Variants in NANS observed in about 807,000 individuals in gnomAD.
The protein encoded by NANS is N-acetylneuraminate synthase, also known as N-acetylneuraminate-9-phosphate synthase.
In NANS, 29 loss-of-function variants were observed where a neutral mutation model predicts 33.3. The observed-to-expected ratio is 0.87, with a 90% CI of 0.65 to 1.19. The LOEUF is 1.19. Ranked by LOEUF, NANS falls within the 50% of genes most tolerant of loss-of-function variation. The pLI, the probability that NANS is intolerant of heterozygous loss-of-function variation, is 0.00. For synonymous variants in NANS, 163 were observed against 177.2 expected, an observed-to-expected ratio of 0.92 and a Z score of 0.64; for missense variants, 394 against 461.1, an observed-to-expected ratio of 0.85 and a Z score of 1.33.
chr9:98,082,789 G>T (rs1325610575), intron 5 of NANS, 57 bp from the exon 6 acceptor site: 2 of 1,531,936 alleles, frequency 1.3e-6, no homozygotes, highest in Non-Finnish European at 1.8e-6. Flanking sequence ...GTAAAGTAAA[G>T]TAGTGTGCAC....
At chr9:98,074,988 C>G (rs896653658) in intron 2 of NANS, 1 of 152,036 alleles carries the variant, frequency 6.6e-6, no homozygotes, top group Non-Finnish European at 1.5e-5. Flanking sequence ...TTATGAGACA[C>G]AAACAGGAAG....
intron 2 of NANS, chr9:98,075,601 C>A (rs552227241): frequency 6.6e-6 from 1 of 152,130 alleles, no homozygotes; most frequent in East Asian, 1.9e-4. Flanking sequence ...AGATTTGTGC[C>A]CATGTGATCA....
chr9:98,082,612 G>A (rs991567870), intron 5 of NANS, among the ~76,000 whole-genome samples: 1 of 152,198 alleles, frequency 6.6e-6, no homozygotes, highest in African/African-American at 2.4e-5. Context: ...CATAGCCTCA[G>A]CCCTTTCCTT....
At chr9:98,066,756 T>G (rs528942869) in intron 2 of NANS, among the ~76,000 whole-genome samples, 1 of 152,016 alleles carries the variant, frequency 6.6e-6, no homozygotes, top group Non-Finnish European at 1.5e-5. Context: ...GTTCAAGCAA[T>G]TCTCCTGCCT....
intron 2 of NANS, among the ~76,000 whole-genome samples, chr9:98,062,130 C>T (rs1344378260): frequency 6.6e-6 from 1 of 151,686 alleles, no homozygotes; most frequent in Non-Finnish European, 1.5e-5. Context: ...TGCTTGATCC[C>T]ATGTATTTGA....
At chr9:98,078,750 G>A (rs551055779) in intron 4 of NANS, among the ~76,000 whole-genome samples, 7 of 149,594 alleles carry the variant, frequency 4.7e-5, no homozygotes, top group Non-Finnish European at 8.9e-5. Flanking sequence ...CAGGAGAATC[G>A]CTTGAATTCA....
At chr9:98,066,283 G>A (rs368766402) in intron 2 of NANS, among the ~76,000 whole-genome samples, 297 of 152,292 alleles carry the variant, frequency 2.0e-3, no homozygotes, top group African/African-American at 6.9e-3. Context: ...CCTTTCAGGA[G>A]GTCCACAAAG....
In NANS at chr9:98,082,856, CTG is replaced by C. The variant is rs1366099966; in HGVS notation, c.884_885del (p.Val295GlyfsTer23). 1.2e-6 allele frequency: 2 copies of C among 1,613,968 alleles called. No homozygotes were observed. The highest frequency in any genetic ancestry group is 1.1e-5 in the South Asian group (1 of 91,068). ...TCATTTTGTCCACAGCTGGGCAAGTCTGTGGTGGCCAAAGTGAAAATTCCGGA... is the reference window on the plus strand; with the variant it reads ...TCATTTTGTCCACAGCTGGGCAAGTCTGGTGGCCAAAGTGAAAATTCCGGA... On this transcript the variant is annotated frameshift_variant, in exon 6 of 6. Coordinates refer to ENST00000210444, the MANE Select transcript of NANS (RefSeq NM_018946.4). LOFTEE classifies it high-confidence loss of function.
chr9:98,072,559 C>T (rs1236783327), intron 2 of NANS, among the ~76,000 whole-genome samples: 1 of 152,006 alleles, frequency 6.6e-6, no homozygotes, highest in African/African-American at 2.4e-5. Context: ...TACAGGTGCC[C>T]GCTACCATGC....
chr9:98,080,824 G>A lies in NANS; in HGVS notation c.612G>A (p.Gln204=). The A allele has an allele frequency of 6.3e-7, 1 of 1,577,992 alleles. No homozygotes were observed. The highest frequency in any genetic ancestry group is 8.6e-7 in the Non-Finnish European group (1 of 1,158,752). ...DVNLRVISEY[Q]KLFPDIPIGY... ...CTTTTTCCATTTTAAAGGAATATCA[G>A]AAGCTCTTTCCTGACATTCCCATAG... Residue 204 remains glutamine (Q), a synonymous_variant, in exon 5 of 6, where the codon CAG becomes CAA. Transcript: ENST00000210444.
At chr9:98,067,085 C>T (rs1829170410) in intron 2 of NANS, among the ~76,000 whole-genome samples, 1 of 152,102 alleles carries the variant, frequency 6.6e-6, no homozygotes, top group South Asian at 2.1e-4. Context: ...TATATCAGTA[C>T]TTCATTTCTT....
Position 98,056,888 on chromosome 9 carries a change from A to G in NANS, c.80A>G (p.Gln27Arg). The change falls in exon 1 of 6, where the codon CAG (glutamine) becomes CGG (arginine). Residue 27 changes from glutamine (Q) to arginine (R), a missense_variant. Gln to Arg is a conservative substitution (Grantham distance 43). Coordinates refer to ENST00000210444, the MANE Select transcript of NANS (RefSeq NM_018946.4). ...TGCTTCATCATTGCCGAGATCGGCC[A>G]GAACCACCAGGGCGACCTGGACGTA... ...HPCFIIAEIGQNHQGDLDVAK... is the reference protein window; with the variant it reads ...HPCFIIAEIGRNHQGDLDVAK... 2 of 1,611,288 alleles carry G rather than the reference A, an allele frequency of 1.2e-6. No individual in the cohort carries two copies. Among genetic ancestry groups the G allele is most frequent in the South Asian group, 2.2e-5 (2 of 90,964 alleles).
chr9:98,073,073 G>A (rs1330778684), intron 2 of NANS, among the ~76,000 whole-genome samples: 1 of 152,064 alleles, frequency 6.6e-6, no homozygotes, highest in Non-Finnish European at 1.5e-5. Flanking sequence ...TGGAAGCCAT[G>A]ACCAAAAAGG....
Position 98,056,740 on chromosome 9 carries a change from G to C in NANS, c.-69G>C, listed in dbSNP as rs539539952. On this transcript the variant is annotated 5_prime_UTR_variant, in exon 1 of 6. Transcript: ENST00000210444. ...GTCTCGCAGCGTTGCTCACAGAACAGAGTAGAGGCGGCGGCGGCGGCGGCC... is the reference window on the plus strand; with the variant it reads ...GTCTCGCAGCGTTGCTCACAGAACACAGTAGAGGCGGCGGCGGCGGCGGCC... 1.9e-6 allele frequency: 3 copies of C among 1,564,310 alleles called. No individual in the cohort carries two copies. The African/African-American group carries it at 4.1e-5, about 21-fold the overall frequency.
chr9:98,069,399 G>C (rs1829245059), intron 2 of NANS: 1 of 152,132 alleles, frequency 6.6e-6, no homozygotes, highest in South Asian at 2.1e-4. Flanking sequence ...TCAGCCTCCT[G>C]AGTAGCAGGG....
chr9:98,078,084 G>A, intron 3 of NANS, 109 bp from the exon 4 acceptor site: 1 of 1,491,316 alleles, frequency 6.7e-7, no homozygotes, highest in Non-Finnish European at 9.2e-7. Context: ...TGTTTTAAGA[G>A]ATGTCTGTGG....
rs776406527 is a variant in NANS, at chr9:98,056,845, G to A, written c.37G>A (p.Val13Met). 1 of 1,612,150 alleles carries A rather than the reference G, an allele frequency of 6.2e-7. No individual in the cohort carries two copies. Among genetic ancestry groups the A allele is most frequent in the African/African-American group, 1.3e-5 (1 of 74,764 alleles). The part of the protein sequence containing the change: ...LELELCPGRW[V>M]GGQHPCFIIA... ...GCTGGAGCTGTGTCCCGGGCGCTGG[G>A]TGGGCGGGCAACACCCGTGCTTCAT... Residue 13 changes from valine to methionine, a missense_variant, in exon 1 of 6, where the codon GTG becomes ATG. Physicochemically the swap from Val to Met is conservative, Grantham distance 21 (BLOSUM62 1). Transcript: ENST00000210444.
chr9:98,068,157 T>C (rs371186212), intron 2 of NANS, among the ~76,000 whole-genome samples: 296 of 152,324 alleles, frequency 1.9e-3, no homozygotes, highest in African/African-American at 6.9e-3. Flanking sequence ...ATTTTTGAGA[T>C]AGGGTTACAC....
At chr9:98,071,416 G>A (rs780925044) in intron 2 of NANS, among the ~76,000 whole-genome samples, 4 of 152,232 alleles carry the variant, frequency 2.6e-5, no homozygotes, top group Non-Finnish European at 4.4e-5. Flanking sequence ...TCCATGTGGA[G>A]GTTATTTAAC....
Sources: allele counts gnomAD v4.1 joint callset (sites outside exome capture counted in the v4.1 genomes callset), GRCh38; gene constraint gnomAD v4.1.1; transcripts MANE v1.5; gene names NCBI Gene and HGNC (gene_info 2026-07-23, HGNC 2026-07-21).